The following CDH26 variants were observed in gnomAD, a reference collection of about 807,000 sequenced individuals.
CDH26 encodes cadherin 26, also known as cadherin-like protein 26.
Under a neutral mutation model 90.3 loss-of-function variants are expected in CDH26, and 83 were observed. The ratio of observed to expected loss-of-function variants is 0.92; its 90% CI spans 0.77 to 1.10. The LOEUF (loss-of-function observed/expected upper bound fraction) is 1.10, where lower values mean the gene tolerates loss of function less well. Among genes scored for constraint, CDH26 ranks in the 50% least tolerant of loss-of-function variants. The pLI is 0.00. For synonymous variants in CDH26, 397 were observed against 396.3 expected, an observed-to-expected ratio of 1.00 and a Z score of -0.02; for missense variants, 1,013 against 1,037.6, an observed-to-expected ratio of 0.98 and a Z score of 0.33.
In CDH26 at chr20:59,973,391, A is replaced by G. The variant is rs185343175; in HGVS notation, c.393+1268A>G. Among the ~76,000 whole-genome samples the G allele has an allele frequency of 3.3e-3, 504 of 151,746 alleles. 1 individual carries two copies. Among genetic ancestry groups the G allele is most frequent in the Middle Eastern group, 0.01 (3 of 294 alleles). ...ATATTTTATTTTTTCCTTTCCTTTT[A>G]TTATTATTATTATTTTTAACTTTCA... On this transcript the variant is annotated intron_variant, in intron 4 of 17. Transcript: ENST00000348616.
chr20:60,021,375 G>C (rs1233468229), intron 7 of CDH26, among the ~76,000 whole-genome samples: 2 of 152,190 alleles, frequency 1.3e-5, no homozygotes, highest in Non-Finnish European at 2.9e-5. Flanking sequence ...TCCAGCAGCA[G>C]AGCTGAGTAA....
rs2061267895 is a variant in CDH26 at position 59,972,011 on chromosome 20, G to C, written c.281G>C (p.Gly94Ala). Reference protein sequence around the residue: ...YNMSLMYLISGPGVDEYPEIG... With the variant: ...YNMSLMYLISAPGVDEYPEIG... ...ATGTCACTAATGTATCTAATCAGTG[G>C]ACCTGGTGTGGATGAATATCCAGAG... The change falls in exon 4 of 18, where the codon GGA becomes GCA. Residue 94 changes from glycine to alanine, a missense_variant. By Grantham distance (60) the Gly-to-Ala change is moderately conservative (BLOSUM62 0). Transcript: ENST00000348616. The C allele has an allele frequency of 6.2e-7, 1 of 1,613,610 alleles. No homozygotes were observed. Among genetic ancestry groups the C allele is most frequent in the African/African-American group, 1.3e-5 (1 of 74,878 alleles).
At chr20:60,002,253 A>G (rs551758912) in intron 15 of CDH26, among the ~76,000 whole-genome samples, 1 of 152,168 alleles carries the variant, frequency 6.6e-6, no homozygotes, top group Non-Finnish European at 1.5e-5. Flanking sequence ...CACAAAGATG[A>G]TGCCACAAAT....
At chr20:59,970,505 T>C (rs1366615582) in intron 3 of CDH26, among the ~76,000 whole-genome samples, 1 of 151,482 alleles carries the variant, frequency 6.6e-6, no homozygotes, top group Non-Finnish European at 1.5e-5. Flanking sequence ...TTTTTAAATA[T>C]TATTTAAAAA....
At chr20:59,971,812 C>T (rs2061264270) in intron 3 of CDH26, 150 bp from the exon 4 acceptor site, 1 of 605,060 alleles carries the variant, frequency 1.7e-6, no homozygotes. Context: ...GTTCCTGCAT[C>T]TCAGCCCATC....
chr20:60,034,793 G>A (rs12624741), downstream of CDH26, among the ~76,000 whole-genome samples: 378 of 152,374 alleles, frequency 2.5e-3, 13 homozygotes, highest in East Asian at 0.063. Flanking sequence ...CAGTCTGAGA[G>A]ATGGATGGGT....
chr20:60,031,398 C>G, exon 8 of CDH26: 1 of 1,218,044 alleles, frequency 8.2e-7, no homozygotes, highest in Non-Finnish European at 1.1e-6. Context: ...CACCCTCTTT[C>G]AAGAAAGTTG....
chr20:59,977,401 C>T (rs1312475278), intron 4 of CDH26, among the ~76,000 whole-genome samples: 1 of 152,106 alleles, frequency 6.6e-6, no homozygotes, highest in African/African-American at 2.4e-5. Flanking sequence ...CCTTTTCAGC[C>T]TTCAACAAAC....
chr20:60,009,868 G>C (rs1032623874), intron 17 of CDH26, among the ~76,000 whole-genome samples: 5 of 152,098 alleles, frequency 3.3e-5, no homozygotes, highest in Non-Finnish European at 7.4e-5. Flanking sequence ...CAGCTTCACT[G>C]CAAGGACGTG....
chr20:60,014,469 C>A lies in CDH26; in HGVS notation c.*1739C>A, dbSNP rs1464422140. On this transcript the variant is annotated 3_prime_UTR_variant, in exon 18 of 18. Coordinates refer to ENST00000348616, the MANE Select transcript of CDH26 (RefSeq NM_177980.4). ...CTATCCCTCTTTCCCCCCACCCTTC[C>A]CAGCTGCTGTGTCCTCTGTTCTACC... The A allele has an allele frequency of 6.6e-6, 1 of 152,176 alleles. No homozygotes were observed. The highest frequency in any genetic ancestry group is 1.9e-4 in the East Asian group (1 of 5,176). 9.4% of individuals were successfully genotyped at this position (152,176 alleles called of 1,614,324 possible). A position where few individuals can be genotyped will look rare whatever the true frequency, so the allele number is the denominator to read the frequency against.
chr20:60,012,595 G>T lies in CDH26; in HGVS notation c.2364G>T (p.Gly788=). Residue 788 remains glycine (G), a synonymous_variant, in exon 18 of 18, where the codon GGG becomes GGT. Coordinates refer to ENST00000348616, the MANE Select transcript of CDH26 (RefSeq NM_177980.4). ...GYLPHVYSEE[G]ECGGAPSLSS... Reference sequence around the variant, plus strand: ...TACCTCACGTCTACAGCGAGGAAGGGGAGTGTGGAGGGGCCCCATCCCTCA... The same window carrying T: ...TACCTCACGTCTACAGCGAGGAAGGTGAGTGTGGAGGGGCCCCATCCCTCA... 1 of 1,614,214 alleles carries T rather than the reference G, an allele frequency of 6.2e-7. No individual in the cohort carries two copies. Among genetic ancestry groups the T allele is most frequent in the South Asian group, 1.1e-5 (1 of 91,080 alleles).
chr20:59,969,179 A>G (rs866896273), intron 2 of CDH26, among the ~76,000 whole-genome samples, 156 bp downstream of exon 2: 3 of 152,220 alleles, frequency 2.0e-5, no homozygotes, highest in Non-Finnish European at 4.4e-5. Context: ...ATCTTGAGGG[A>G]CTGCCAGAGA....
At chr20:59,979,198 A>AT (rs548400785) in intron 4 of CDH26, among the ~76,000 whole-genome samples, 32,556 of 123,662 alleles carry the variant, frequency 0.26, 6,023 homozygotes, top group East Asian at 0.5. Context: ...TTCTTCTTCT[A>AT]TTTTTTTTTT....
At chr20:60,002,011 A>G (rs1162472633) in intron 15 of CDH26, among the ~76,000 whole-genome samples, 1 of 152,218 alleles carries the variant, frequency 6.6e-6, no homozygotes, top group African/African-American at 2.4e-5. Context: ...CTGTGAGTAC[A>G]GTTCTCAGTC....
In CDH26 at chr20:59,967,860, TCTTTCTTTCTTTCTTTCTTCCTTCCTTC is replaced by T. The variant is rs1366546095; in HGVS notation, c.70-1103_70-1076del. Among the ~76,000 whole-genome samples, 215 of 116,404 alleles carry T rather than the reference TCTTTCTTTCTTTCTTTCTTCCTTCCTTC, an allele frequency of 1.8e-3. 2 individuals are homozygous for T. The highest frequency in any genetic ancestry group is 9.5e-3 in the African/African-American group (200 of 21,134). The allele number at this position is 116,404 out of a possible 152,430, so 76.4% of individuals were successfully genotyped here. ...TTCTTTCTTTCTTTCTTTCTTTCTT[TCTTTCTTTCTTTCTTTCTTCCTTCCTTC>T]CTTCCTTCCTTCCTTCCTTCCTTTC... On this transcript the variant is annotated intron_variant, in intron 1 of 17. Coordinates refer to ENST00000348616, the MANE Select transcript of CDH26 (RefSeq NM_177980.4).
chr20:60,026,370 G>A (rs1601228585), intron 7 of CDH26, among the ~76,000 whole-genome samples: 2 of 149,420 alleles, frequency 1.3e-5, no homozygotes, highest in Non-Finnish European at 3.0e-5. Context: ...CGAGAGTGGA[G>A]ACAGCTCTCT....
At position 59,976,370 on chromosome 20, in the gene CDH26, G is replaced by T. The variant is rs116320927; in HGVS notation, c.393+4247G>T. Among the ~76,000 whole-genome samples, 1,373 of 152,266 alleles carry T rather than the reference G, an allele frequency of 9.0e-3. 21 individuals carry two copies. The highest frequency in any genetic ancestry group is 0.031 in the African/African-American group (1,295 of 41,544). ...TAACCCGAATCCCTAGAAATTCTTA[G>T]CATCTTGCCAAAGAATAAACAGCAC... On this transcript the variant is annotated intron_variant, in intron 4 of 17. Coordinates refer to ENST00000348616, the MANE Select transcript of CDH26 (RefSeq NM_177980.4).
intron 7 of CDH26, among the ~76,000 whole-genome samples, chr20:60,020,819 C>A (rs1010251714): frequency 2.0e-5 from 3 of 152,192 alleles, no homozygotes; most frequent in Non-Finnish European, 4.4e-5. Context: ...GCTCTCCAAA[C>A]TGGGCTCAGG....
chr20:59,959,281 A>G (rs868346927), intron 1 of CDH26, among the ~76,000 whole-genome samples: 3 of 151,924 alleles, frequency 2.0e-5, no homozygotes, highest in Non-Finnish European at 4.4e-5. Context: ...TGTATTTTTT[A>G]TAGAGATGGA....
Sources: allele counts gnomAD v4.1 joint callset (sites outside exome capture counted in the v4.1 genomes callset), GRCh38; gene constraint gnomAD v4.1.1; transcripts MANE v1.5; gene names NCBI Gene and HGNC (gene_info 2026-07-23, HGNC 2026-07-21).